C2CD3: variants seen among roughly 807,000 people sequenced by gnomAD.
C2CD3 encodes the protein C2 domain containing 3 centriole elongation regulator, also known as C2 domain-containing protein 3.
In C2CD3, 148 loss-of-function variants were observed where a neutral mutation model predicts 234.0. That is an observed-to-expected ratio of 0.63 (90% CI 0.55 to 0.72). C2CD3 has a LOEUF of 0.72. C2CD3 is among the 30% of genes least tolerant of loss of function. C2CD3 has a pLI of 0.00. For missense variants in C2CD3, 2,577 were observed against 2,811.5 expected, an observed-to-expected ratio of 0.92 and a Z score of 1.89; for synonymous variants, 1,000 against 1,035.4, an observed-to-expected ratio of 0.97 and a Z score of 0.66.
At chr11:74,070,520 C>T (rs1001248820) in intron 24 of C2CD3, 5 of 152,224 alleles carry the variant, frequency 3.3e-5, no homozygotes, top group Admixed American at 6.5e-5. Context: ...AAGTTTCTGT[C>T]GCCTGTTCTC....
intron 9 of C2CD3, 151 bp from the exon 10 acceptor site, chr11:74,114,744 C>T (rs1428371311): frequency 3.3e-6 from 2 of 615,358 alleles, no homozygotes; most frequent in Admixed American, 2.8e-5. Context: ...CTCTGTCACC[C>T]AGGCTGGAGT....
intron 2 of C2CD3, among the ~76,000 whole-genome samples, chr11:74,163,060 T>C (rs1052787282): frequency 3.9e-5 from 6 of 152,222 alleles, no homozygotes; most frequent in Non-Finnish European, 7.3e-5. Flanking sequence ...GAATCTCAGA[T>C]CATTTCAGAA....
At position 74,013,175 on chromosome 11, in the gene C2CD3, C is replaced by A; in HGVS notation, c.*210G>T. ...TTTGCCTCACCACAGAAAAAAGGAG[C>A]TGAAATTCTGGCAAGTGGACACTGG... On this transcript the variant is annotated 3_prime_UTR_variant, in exon 33 of 33. Coordinates refer to ENST00000334126, the MANE Select transcript of C2CD3 (RefSeq NM_001286577.2). The A allele has an allele frequency of 2.8e-6, 1 of 351,322 alleles. No homozygotes were observed. The highest frequency in any genetic ancestry group is 5.1e-6 in the Non-Finnish European group (1 of 196,914). The allele number at this position is 351,322 out of a possible 1,614,324, so 21.8% of individuals were successfully genotyped here. A position where few individuals can be genotyped will look rare whatever the true frequency, so the allele number is the denominator to read the frequency against.
intron 7 of C2CD3, among the ~76,000 whole-genome samples, chr11:74,130,704 G>A (rs1957643241): frequency 1.3e-5 from 2 of 152,184 alleles, no homozygotes; most frequent in East Asian, 1.9e-4. Context: ...TGATTTATAT[G>A]TCTATCCTTA....
intron 24 of C2CD3, among the ~76,000 whole-genome samples, chr11:74,063,311 C>T (rs1954340050): frequency 6.6e-6 from 1 of 152,142 alleles, no homozygotes; most frequent in Non-Finnish European, 1.5e-5. Flanking sequence ...CAAAGCCTGG[C>T]AGAAACACAA....
chr11:74,126,877 C>A (rs1957430426), intron 7 of C2CD3, among the ~76,000 whole-genome samples: 1 of 152,194 alleles, frequency 6.6e-6, no homozygotes, highest in Non-Finnish European at 1.5e-5. Context: ...ACTCCATAAC[C>A]TTCAGCTATC....
intron 3 of C2CD3, among the ~76,000 whole-genome samples, chr11:74,146,536 G>C (rs1024162136): frequency 6.6e-6 from 1 of 152,060 alleles, no homozygotes; most frequent in African/African-American, 2.4e-5. Flanking sequence ...ACTGAAAAAA[G>C]TTTTGAAAAC....
chr11:74,099,611 T>A (rs1382488665), intron 15 of C2CD3, among the ~76,000 whole-genome samples: 1 of 151,906 alleles, frequency 6.6e-6, no homozygotes, highest in African/African-American at 2.4e-5. Context: ...AAAGGAACAG[T>A]TTAGGCTGGG....
intron 25 of C2CD3, 49 bp downstream of exon 25, chr11:74,057,357 G>A (rs369594873): frequency 1.2e-6 from 2 of 1,607,304 alleles, no homozygotes; most frequent in Non-Finnish European, 1.7e-6. Flanking sequence ...TTGTGTCTTG[G>A]AACAAAAAGC....
chr11:74,132,349 T>G (rs1957704711), intron 7 of C2CD3, among the ~76,000 whole-genome samples: 1 of 151,838 alleles, frequency 6.6e-6, no homozygotes, highest in Admixed American at 6.6e-5. Context: ...AGACTCCGTC[T>G]CAAAAAAACA....
chr11:74,153,971 C>T (rs916810169), intron 3 of C2CD3, among the ~76,000 whole-genome samples: 1 of 151,334 alleles, frequency 6.6e-6, no homozygotes, highest in Non-Finnish European at 1.5e-5. Context: ...TGGGAAAGGG[C>T]AATCTTTTCA....
rs547970960 is a variant in C2CD3 at position 74,129,056 on chromosome 11, T to C, written c.1217+3788A>G. On this transcript the variant is annotated intron_variant, in intron 7 of 32. Coordinates refer to ENST00000334126, the MANE Select transcript of C2CD3 (RefSeq NM_001286577.2). Reference sequence around the variant, plus strand: ...ATCATGGCCCGTTCTCAATGAGCTGTTGGGTACACCTCCCAGACAGGGTGG... The same window carrying C: ...ATCATGGCCCGTTCTCAATGAGCTGCTGGGTACACCTCCCAGACAGGGTGG... The C allele has an allele frequency of 4.9e-5, 11 of 223,644 alleles. No homozygotes were observed. In the South Asian group the frequency reaches 5.1e-4, roughly 10 times the overall value. The allele number at this position is 223,644 out of a possible 1,614,324, so 13.9% of individuals were successfully genotyped here.
In C2CD3 at chr11:74,044,892, C is replaced by CT. The variant is rs551506968; in HGVS notation, c.5496-2675dup. On this transcript the variant is annotated intron_variant, in intron 28 of 32. Transcript: ENST00000334126. ...TTGCTGCAAAGAACATGATTTTGTT[C>CT]TTTTTTTTTTTTAATGGCTGTGAGA... Among the ~76,000 whole-genome samples, 696 of 138,246 alleles carry CT rather than the reference C, an allele frequency of 5.0e-3. 3 individuals carry two copies. The highest frequency in any genetic ancestry group is 0.037 in the Middle Eastern group (10 of 268). The allele number at this position is 138,246 out of a possible 152,430, so 90.7% of individuals were successfully genotyped here. A position where few individuals can be genotyped will look rare whatever the true frequency, so the allele number is the denominator to read the frequency against.
chr11:74,167,066 T>A (rs1217938903), intron 2 of C2CD3, among the ~76,000 whole-genome samples: 1 of 152,132 alleles, frequency 6.6e-6, no homozygotes, highest in East Asian at 1.9e-4. Context: ...AACTATATGA[T>A]CCCATTTTAC....
rs1157367849 is a variant in C2CD3, at chr11:74,077,820, T to C, written c.4603+295A>G. Among the ~76,000 whole-genome samples, 4 of 20,542 alleles carry C rather than the reference T, an allele frequency of 1.9e-4. No homozygotes were observed. In the East Asian group the frequency reaches 5.5e-3, roughly 28 times the overall value. 13.5% of individuals were successfully genotyped at this position (20,542 alleles called of 152,430 possible). A position where few individuals can be genotyped will look rare whatever the true frequency, so the allele number is the denominator to read the frequency against. On this transcript the variant is annotated intron_variant, in intron 23 of 32. Transcript: ENST00000334126. ...ATATATATATATATATATATATATA[T>C]ATATATATATATATATATATATATA...
At chr11:74,116,870 ATATG>A (rs1306556498) in intron 9 of C2CD3, among the ~76,000 whole-genome samples, 1 of 135,606 alleles carries the variant, frequency 7.4e-6, no homozygotes, top group African/African-American at 2.7e-5. Flanking sequence ...ATACACGTGT[ATATG>A]TATATATACA....
chr11:74,064,370 T>G (rs1056874429), intron 24 of C2CD3, among the ~76,000 whole-genome samples: 3 of 152,152 alleles, frequency 2.0e-5, no homozygotes, highest in Admixed American at 6.5e-5. Context: ...ACAAGGGATG[T>G]GAAGGACCTC....
chr11:74,104,338 A>T (rs931640868), intron 13 of C2CD3, among the ~76,000 whole-genome samples: 2 of 152,248 alleles, frequency 1.3e-5, no homozygotes, highest in Admixed American at 1.3e-4. Context: ...AAATCTCAGT[A>T]TAGCCTGCAG....
chr11:74,128,106 G>A (rs547761959), intron 7 of C2CD3, among the ~76,000 whole-genome samples: 153 of 152,260 alleles, frequency 1.0e-3, no homozygotes, highest in African/African-American at 3.5e-3. Context: ...CTCGTGATCC[G>A]CCTGCCTCGG....
Sources: gnomAD v4.1 joint callset for allele counts (sites outside exome capture counted in the v4.1 genomes callset) on GRCh38, gnomAD v4.1.1 for gene constraint, MANE v1.5 for transcripts, NCBI Gene and HGNC (gene_info 2026-07-23, HGNC 2026-07-21) for gene names.